Variants in NRG3 observed in about 807,000 individuals in gnomAD.
NRG3 encodes the protein pro-neuregulin-3, membrane-bound isoform.
A neutral mutation model predicts 66.9 loss-of-function variants in NRG3; 31 were observed. That is an observed-to-expected ratio of 0.46 (90% CI 0.35 to 0.63). The LOEUF (loss-of-function observed/expected upper bound fraction) is 0.63, where lower values mean the gene tolerates loss of function less well. Ranked by LOEUF, NRG3 falls within the 20% of genes least tolerant of loss-of-function variation. NRG3 has a pLI of 0.00. For missense variants in NRG3, 910 were observed against 878.9 expected (o/e 1.04, Z -0.45); for synonymous variants, 393 against 359.4 (o/e 1.09, Z -1.06).
At chr10:82,656,308 C>CTTTTTTT (rs3040205) in intron 2 of NRG3, among the ~76,000 whole-genome samples, 48 of 131,984 alleles carry the variant, frequency 3.6e-4, no homozygotes, top group Non-Finnish European at 4.9e-4. Context: ...TTTCTTTTTT[C>CTTTTTTT]TTTTTTTTTT....
chr10:82,729,759 C>T (rs762978974), intron 2 of NRG3, among the ~76,000 whole-genome samples: 2 of 152,168 alleles, frequency 1.3e-5, no homozygotes, highest in Non-Finnish European at 2.9e-5. Context: ...TGCTGTTTCC[C>T]AGGTACTAAA....
chr10:82,333,572 T>C (rs1483472183), intron 1 of NRG3, among the ~76,000 whole-genome samples: 1 of 152,236 alleles, frequency 6.6e-6, no homozygotes, highest in East Asian at 1.9e-4. Context: ...GTCTTGTCAC[T>C]GTATCCATAG....
At chr10:82,343,058 G>A (rs1249163053) in intron 1 of NRG3, among the ~76,000 whole-genome samples, 1 of 151,998 alleles carries the variant, frequency 6.6e-6, no homozygotes, top group Non-Finnish European at 1.5e-5. Flanking sequence ...TGTTGACTTA[G>A]TCAAAGGTCA....
chr10:81,876,627 A>G (rs1841684548), intron 1 of NRG3, among the ~76,000 whole-genome samples: 1 of 152,182 alleles, frequency 6.6e-6, no homozygotes, highest in Non-Finnish European at 1.5e-5. Context: ...ACGATAAACC[A>G]CAAAAGGAAG....
intron 1 of NRG3, among the ~76,000 whole-genome samples, chr10:81,989,819 G>A (rs1337993909): frequency 3.9e-5 from 6 of 152,032 alleles, no homozygotes; most frequent in South Asian, 4.1e-4. Context: ...AGAAAAATGC[G>A]ACTCTGGAGA....
intron 4 of NRG3, among the ~76,000 whole-genome samples, chr10:82,918,519 C>T (rs1351151239): frequency 6.6e-6 from 1 of 152,124 alleles, no homozygotes; most frequent in Non-Finnish European, 1.5e-5. Flanking sequence ...TTCTCTTTTA[C>T]CAATATTCAA....
At chr10:82,852,411 G>GT (rs2063604360) in intron 3 of NRG3, among the ~76,000 whole-genome samples, 1 of 151,962 alleles carries the variant, frequency 6.6e-6, no homozygotes, top group Non-Finnish European at 1.5e-5. Flanking sequence ...GTAAACCTAT[G>GT]TAACAAGCTT....
chr10:82,825,070 C>T (rs192396240), intron 3 of NRG3, among the ~76,000 whole-genome samples: 1 of 152,232 alleles, frequency 6.6e-6, no homozygotes, highest in Non-Finnish European at 1.5e-5. Flanking sequence ...GCATCCAAGT[C>T]CTTTATCAGT....
At position 81,930,433 on chromosome 10, in the gene NRG3, G is replaced by C. The variant is rs897570222; in HGVS notation, c.823+54270G>C. The stretch of plus-strand genomic sequence containing the variant: ...GAGCAGCTGAATGAAGAGACACACA[G>C]GGCAGTTTCTGAGAGGGTCTCAAAC... On this transcript the variant is annotated intron_variant, in intron 1 of 8. Coordinates refer to ENST00000372141, the MANE Select transcript of NRG3 (RefSeq NM_001010848.4). Among the ~76,000 whole-genome samples, 2 of 151,868 alleles carry C rather than the reference G, an allele frequency of 1.3e-5. 1 individual carries two copies. Among genetic ancestry groups the C allele is most frequent in the Non-Finnish European group, 2.9e-5 (2 of 67,986 alleles).
intron 1 of NRG3, among the ~76,000 whole-genome samples, chr10:82,324,018 C>A (rs1340570679): frequency 6.6e-6 from 1 of 152,078 alleles, no homozygotes; most frequent in Non-Finnish European, 1.5e-5. Flanking sequence ...GCGCCTGTGA[C>A]CACACCCAGC....
intron 2 of NRG3, among the ~76,000 whole-genome samples, chr10:82,592,256 G>T (rs1410589250): frequency 6.6e-6 from 1 of 152,182 alleles, no homozygotes; most frequent in Non-Finnish European, 1.5e-5. Context: ...GATTCTGGAT[G>T]ATGTCAGTTT....
chr10:82,962,528 A>G (rs1850758924), intron 6 of NRG3, among the ~76,000 whole-genome samples: 1 of 152,192 alleles, frequency 6.6e-6, no homozygotes, highest in Non-Finnish European at 1.5e-5. Context: ...CTTGCATGCT[A>G]AAGAGGAATA....
chr10:82,760,252 A>T (rs2059251264), intron 3 of NRG3, among the ~76,000 whole-genome samples: 1 of 152,132 alleles, frequency 6.6e-6, no homozygotes, highest in Non-Finnish European at 1.5e-5. Flanking sequence ...TCCAACAGAG[A>T]TGCCCACAGC....
chr10:82,440,303 T>A (rs1368289111), intron 2 of NRG3, among the ~76,000 whole-genome samples: 1 of 151,838 alleles, frequency 6.6e-6, no homozygotes, highest in Non-Finnish European at 1.5e-5. Flanking sequence ...TTATATATAA[T>A]GTACATTTTT....
intron 1 of NRG3, among the ~76,000 whole-genome samples, chr10:81,916,951 A>G (rs2132821481): frequency 6.6e-6 from 1 of 152,338 alleles, no homozygotes; most frequent in Admixed American, 6.5e-5. Flanking sequence ...ACTGATGTTA[A>G]GAAGTGGGAC....
chr10:82,965,821 G>C (rs369782511), intron 6 of NRG3, among the ~76,000 whole-genome samples: 6 of 152,090 alleles, frequency 3.9e-5, no homozygotes, highest in African/African-American at 1.4e-4. Context: ...CTTTCCAGGA[G>C]GGTTGGTATA....
chr10:81,903,990 ATATATATTT>A (rs1254199253), intron 1 of NRG3, among the ~76,000 whole-genome samples: 4 of 117,972 alleles, frequency 3.4e-5, no homozygotes, highest in African/African-American at 1.6e-4. Flanking sequence ...ATATATATAT[ATATATATTT>A]TTTTTTTTTG....
intron 3 of NRG3, among the ~76,000 whole-genome samples, chr10:82,797,532 G>T (rs2060850802): frequency 6.6e-6 from 1 of 152,002 alleles, no homozygotes; most frequent in Admixed American, 6.6e-5. Context: ...CTGTCACTCA[G>T]ATTCAAAACT....
chr10:82,247,386 C>T (rs2077290964), intron 1 of NRG3, among the ~76,000 whole-genome samples: 1 of 152,098 alleles, frequency 6.6e-6, no homozygotes, highest in Admixed American at 6.5e-5. Flanking sequence ...CTCGCATGTC[C>T]CCTCTTAGAA....
Sources: allele counts gnomAD v4.1 joint callset (sites outside exome capture counted in the v4.1 genomes callset), GRCh38; gene constraint gnomAD v4.1.1; transcripts MANE v1.5; gene names NCBI Gene and HGNC (gene_info 2026-07-23, HGNC 2026-07-21).